The following SPATS2L variants were observed in gnomAD, a reference collection of about 807,000 sequenced individuals.
SPATS2L encodes the protein SPATS2-like protein.
In SPATS2L, 30 loss-of-function variants were observed where a neutral mutation model predicts 59.6. The ratio of observed to expected loss-of-function variants is 0.50; its 90% confidence interval spans 0.38 to 0.68. The LOEUF (loss-of-function observed/expected upper bound fraction) is 0.68. SPATS2L is among the 30% of genes least tolerant of loss of function. The pLI, the probability that SPATS2L is intolerant of heterozygous loss-of-function variation, is 0.00. For synonymous variants in SPATS2L, 252 were observed against 263.5 expected (o/e 0.96, Z 0.42); for missense variants, 615 against 700.0 (o/e 0.88, Z 1.37).
intron 2 of SPATS2L, among the ~76,000 whole-genome samples, chr2:200,385,929 G>A (rs973590497): frequency 2.0e-5 from 3 of 152,118 alleles, no homozygotes; most frequent in Admixed American, 6.5e-5. Flanking sequence ...TCCTGACCTC[G>A]TGATCCGCCC....
At chr2:200,407,400 A>C (rs2082723882) in intron 3 of SPATS2L, among the ~76,000 whole-genome samples, 1 of 152,204 alleles carries the variant, frequency 6.6e-6, no homozygotes, top group African/African-American at 2.4e-5. Flanking sequence ...TCTCTGTAGC[A>C]CCACAGTACC....
chr2:200,403,394 T>A (rs1264739755), intron 3 of SPATS2L, among the ~76,000 whole-genome samples: 1 of 152,202 alleles, frequency 6.6e-6, no homozygotes, highest in African/African-American at 2.4e-5. Context: ...CTTTAGTTCT[T>A]TTTAAAAAGC....
At chr2:200,448,736 A>T (rs1459407838) in intron 8 of SPATS2L, among the ~76,000 whole-genome samples, 1 of 152,184 alleles carries the variant, frequency 6.6e-6, no homozygotes, top group African/African-American at 2.4e-5. Context: ...AAGAGAATTA[A>T]ACTTTTTTCT....
chr2:200,354,167 G>A (rs1336730409), intron 2 of SPATS2L, among the ~76,000 whole-genome samples: 1 of 152,182 alleles, frequency 6.6e-6, no homozygotes. Flanking sequence ...GCATAGCCAA[G>A]ACCATGGAAT....
At chr2:200,310,224 T>C (rs150147883) in intron 1 of SPATS2L, among the ~76,000 whole-genome samples, 2 of 152,336 alleles carry the variant, frequency 1.3e-5, no homozygotes, top group African/African-American at 4.8e-5. Flanking sequence ...TCTAAACTTC[T>C]TCCTTTTATG....
At chr2:200,386,274 T>C (rs2081991192) in intron 2 of SPATS2L, among the ~76,000 whole-genome samples, 1 of 152,330 alleles carries the variant, frequency 6.6e-6, no homozygotes, top group East Asian at 1.9e-4. Context: ...ATTTTTATCT[T>C]ATTTTCCCAT....
Position 200,340,253 on chromosome 2 carries a change from C to A in SPATS2L, c.-23+10773C>A, listed in dbSNP as rs2080278772. On this transcript the variant is annotated intron_variant, in intron 2 of 12. Coordinates refer to ENST00000409140, the MANE Select transcript of SPATS2L (RefSeq NM_001100423.2). ...ATCTGCCCTGCACTCTTTACTCTTG[C>A]TGCTTTGATGTCTTCTTATGGCTGG... Among the ~76,000 whole-genome samples, 3 of 152,158 alleles carry A rather than the reference C, an allele frequency of 2.0e-5. No homozygotes were observed. In the South Asian group the frequency reaches 6.2e-4, roughly 32 times the overall value.
intron 1 of SPATS2L, among the ~76,000 whole-genome samples, chr2:200,315,347 A>G (rs1277841768): frequency 6.6e-6 from 1 of 152,188 alleles, no homozygotes; most frequent in Non-Finnish European, 1.5e-5. Context: ...CCACCCAGCC[A>G]TCATCAGAAG....
intron 3 of SPATS2L, among the ~76,000 whole-genome samples, chr2:200,411,014 C>CATAT (rs72177636): frequency 0.012 from 1,749 of 146,268 alleles, 31 homozygotes; most frequent in African/African-American, 0.04. Context: ...CACACACATA[C>CATAT]ATATATATAT....
chr2:200,442,091 C>T (rs757332301), intron 8 of SPATS2L, among the ~76,000 whole-genome samples: 5 of 152,086 alleles, frequency 3.3e-5, no homozygotes, highest in Non-Finnish European at 5.9e-5. Flanking sequence ...TCATCTACCT[C>T]CCCCCAACCC....
chr2:200,424,233 T>A (rs1321255696), intron 6 of SPATS2L, among the ~76,000 whole-genome samples: 1 of 152,062 alleles, frequency 6.6e-6, no homozygotes, highest in African/African-American at 2.4e-5. Context: ...ACACCTGTAA[T>A]CCCAGCACTT....
At chr2:200,325,041 A>G (rs544053349) in intron 1 of SPATS2L, among the ~76,000 whole-genome samples, 2 of 152,326 alleles carry the variant, frequency 1.3e-5, no homozygotes, top group African/African-American at 2.4e-5. Context: ...TTGAGAATAT[A>G]TATTTTATCA....
At chr2:200,468,194 C>T (rs564382184) in intron 10 of SPATS2L, among the ~76,000 whole-genome samples, 1 of 151,950 alleles carries the variant, frequency 6.6e-6, no homozygotes, top group African/African-American at 2.4e-5. Flanking sequence ...ACATCTTGAT[C>T]GCCAGACCCA....
In SPATS2L at chr2:200,329,574, A is replaced by G. The variant is rs1273746473; in HGVS notation, c.-23+94A>G. The G allele has an allele frequency of 2.6e-6, 3 of 1,157,366 alleles. No individual in the cohort carries two copies. The East Asian group carries it at 7.7e-5, about 30-fold the overall frequency. The allele number at this position is 1,157,366 out of a possible 1,614,324, so 71.7% of individuals were successfully genotyped here. A position where few individuals can be genotyped will look rare whatever the true frequency, so the allele number is the denominator to read the frequency against. The stretch of plus-strand genomic sequence containing the variant: ...GCAGCTGCCTCCTGGGAGCCTTGTC[A>G]CAGCCTTTGGCCGCCTCTGCTGCCT... On this transcript the variant is annotated intron_variant, in intron 2 of 12. Transcript: ENST00000409140.
At chr2:200,435,182 CAT>C (rs2084197318) in intron 6 of SPATS2L, among the ~76,000 whole-genome samples, 1 of 152,132 alleles carries the variant, frequency 6.6e-6, no homozygotes, top group Non-Finnish European at 1.5e-5. Context: ...GTGCACTCTC[CAT>C]ATGTGTCTGT....
chr2:200,429,951 A>G (rs1237671564), intron 6 of SPATS2L, among the ~76,000 whole-genome samples: 1 of 152,182 alleles, frequency 6.6e-6, no homozygotes, highest in Non-Finnish European at 1.5e-5. Context: ...ATGTGATTTC[A>G]GATGAGATCA....
At chr2:200,347,400 C>T (rs1356735748) in intron 2 of SPATS2L, among the ~76,000 whole-genome samples, 1 of 152,158 alleles carries the variant, frequency 6.6e-6, no homozygotes, top group South Asian at 2.1e-4. Context: ...CTTCTGGCTC[C>T]TTTCTGAGCT....
intron 3 of SPATS2L, among the ~76,000 whole-genome samples, chr2:200,411,195 G>A (rs978912368): frequency 6.6e-6 from 1 of 152,030 alleles, no homozygotes; most frequent in African/African-American, 2.4e-5. Context: ...AGCTTGTGCT[G>A]TTGTCTCATT....
At position 200,479,814 on chromosome 2, in the gene SPATS2L, CT is replaced by C; in HGVS notation, c.*1787del. The C allele has an allele frequency of 2.5e-6, 1 of 398,540 alleles. No homozygotes were observed. The highest frequency in any genetic ancestry group is 1.3e-4 in the South Asian group (1 of 7,754). The allele number at this position is 398,540 out of a possible 1,614,324, so 24.7% of individuals were successfully genotyped here. A position where few individuals can be genotyped will look rare whatever the true frequency, so the allele number is the denominator to read the frequency against. On this transcript the variant is annotated 3_prime_UTR_variant, in exon 13 of 13. Coordinates refer to ENST00000409140, the MANE Select transcript of SPATS2L (RefSeq NM_001100423.2). ...CAAGCCACGCAAGCATCTGTTTCTT[CT>C]TTTGCCAAGTACAGGAGGATGTTTG...
Sources: gnomAD v4.1 joint callset for allele counts (sites outside exome capture counted in the v4.1 genomes callset) on GRCh38, gnomAD v4.1.1 for gene constraint, MANE v1.5 for transcripts, NCBI Gene and HGNC (gene_info 2026-07-23, HGNC 2026-07-21) for gene names.